The following RPH3AL variants were observed in gnomAD, a reference collection of about 807,000 sequenced individuals.
The protein encoded by RPH3AL is rab effector Noc2.
Under a neutral mutation model 43.1 loss-of-function variants are expected in RPH3AL, and 38 were observed. The ratio of observed to expected loss-of-function variants is 0.88; its 90% CI spans 0.68 to 1.15. RPH3AL has a LOEUF of 1.15. Ranked by LOEUF, RPH3AL falls within the 50% of genes most tolerant of loss-of-function variation. The pLI is 0.00. For synonymous variants in RPH3AL, 189 were observed against 176.3 expected (o/e 1.07, Z -0.57); for missense variants, 462 against 423.2 (o/e 1.09, Z -0.81).
Position 213,589 on chromosome 17 carries a change from T to G in RPH3AL, c.*263A>C. 81 of 541,306 alleles carry G rather than the reference T, an allele frequency of 1.5e-4. No individual in the cohort carries two copies. The highest frequency in any genetic ancestry group is 5.1e-4 in the Middle Eastern group (1 of 1,964). 33.5% of individuals were successfully genotyped at this position (541,306 alleles called of 1,614,324 possible). ...AAACTTAAAATCATCACCAGGTAGA[T>G]TGGGGGTGTGGGAGGGGAGGGTAAT... On this transcript the variant is annotated 3_prime_UTR_variant, in exon 10 of 10. Transcript: ENST00000331302.
At chr17:295,081 A>G (rs55751549) in intron 5 of RPH3AL, among the ~76,000 whole-genome samples, 3,494 of 22,872 alleles carry the variant, frequency 0.15, no homozygotes, top group East Asian at 0.2. Context: ...CAGTGTGGGA[A>G]GGACAGAGGA....
At chr17:321,740 G>A (rs376035404) in intron 3 of RPH3AL, 1 of 312,606 alleles carries the variant, frequency 3.2e-6, no homozygotes, top group East Asian at 5.6e-5. Context: ...GTGTGCAGGG[G>A]GCAAGGCACG....
At chr17:272,271 C>T (rs1345819394) in intron 6 of RPH3AL, among the ~76,000 whole-genome samples, 8 of 151,998 alleles carry the variant, frequency 5.3e-5, no homozygotes, top group Admixed American at 1.3e-4. Context: ...ACCCAAAGGA[C>T]TATAAATCAT....
At chr17:230,038 A>G (rs8075539) in intron 7 of RPH3AL, among the ~76,000 whole-genome samples, 59,737 of 151,920 alleles carry the variant, frequency 0.39, 11,966 homozygotes, top group East Asian at 0.53. Context: ...TGGAGAGGAC[A>G]TGGTACCTGG....
intron 1 of RPH3AL, among the ~76,000 whole-genome samples, chr17:342,618 C>A (rs2045147994): frequency 1.3e-5 from 2 of 152,182 alleles, no homozygotes; most frequent in African/African-American, 4.8e-5. Flanking sequence ...CATATATGAT[C>A]CCATTTATGT....
intron 7 of RPH3AL, among the ~76,000 whole-genome samples, chr17:230,353 G>A (rs1314191976): frequency 6.6e-6 from 1 of 152,234 alleles, no homozygotes; most frequent in Non-Finnish European, 1.5e-5. Flanking sequence ...AGAATGAAAG[G>A]TGGATGGACG....
Position 331,592 on chromosome 17 carries a change from AT to A in RPH3AL, c.-37+2166del. 3.1e-6 allele frequency: 4 copies of A among 1,284,930 alleles called. No individual in the cohort carries two copies. In the South Asian group the frequency reaches 5.0e-5, roughly 16 times the overall value. 79.6% of individuals were successfully genotyped at this position (1,284,930 alleles called of 1,614,324 possible). A position where few individuals can be genotyped will look rare whatever the true frequency, so the allele number is the denominator to read the frequency against. The stretch of plus-strand genomic sequence containing the variant: ...GAGGAAGGGCAACTCGAGGAGGCAC[AT>A]TTTAGGAAACTGCCCACGGAGCCAG... On this transcript the variant is annotated intron_variant, in intron 2 of 9. Transcript: ENST00000331302.
At chr17:253,104 G>A (rs782489080) in intron 6 of RPH3AL, among the ~76,000 whole-genome samples, 2 of 152,170 alleles carry the variant, frequency 1.3e-5, no homozygotes, top group Non-Finnish European at 2.9e-5. Context: ...ATCGGGGAAG[G>A]TTCCCAGGGA....
rs532817622 is a variant in RPH3AL at position 263,213 on chromosome 17, C to T, written c.439-15928G>A. ...AGGCGGCCTCCATATCCACAGCTCA[C>T]ACACAGGGAGTCAAGGGTACCAAAG... On this transcript the variant is annotated intron_variant, in intron 6 of 9. Transcript: ENST00000331302. Among the ~76,000 whole-genome samples the T allele has an allele frequency of 5.9e-5, 9 of 152,094 alleles. No individual in the cohort carries two copies. The South Asian group carries it at 1.2e-3, about 21-fold the overall frequency.
intron 6 of RPH3AL, among the ~76,000 whole-genome samples, chr17:250,224 G>C (rs1398739374): frequency 8.1e-6 from 1 of 123,472 alleles, no homozygotes; most frequent in Non-Finnish European, 1.7e-5. Context: ...AAGCTCTGTC[G>C]CTGCGGGACC....
chr17:290,571 C>T lies in RPH3AL; in HGVS notation c.352-8717G>A, dbSNP rs576425287. Among the ~76,000 whole-genome samples the T allele has an allele frequency of 3.3e-5, 5 of 152,264 alleles. No individual in the cohort carries two copies. In the South Asian group the frequency reaches 1.0e-3, roughly 32 times the overall value. ...GACATTTCTGCTTCCTGCGACTCCC[C>T]GTCCCACCCCTTCTCCTTCCCAGAT... is the stretch of plus-strand genomic sequence containing the variant. On this transcript the variant is annotated intron_variant, in intron 5 of 9. Coordinates refer to ENST00000331302, the MANE Select transcript of RPH3AL (RefSeq NM_006987.4). This position sits in a 1 kb window ranked among gnomAD's most constrained non-coding sequence, Gnocchi z 4.2.
At chr17:308,948 G>C (rs1294336248) in intron 5 of RPH3AL, among the ~76,000 whole-genome samples, 1 of 152,148 alleles carries the variant, frequency 6.6e-6, no homozygotes, top group Non-Finnish European at 1.5e-5. Context: ...AGCTGCTGCA[G>C]GCAGGTCACA....
At chr17:314,506 T>A (rs2043800855) in intron 5 of RPH3AL, among the ~76,000 whole-genome samples, 1 of 135,780 alleles carries the variant, frequency 7.4e-6, no homozygotes, top group Admixed American at 7.6e-5. Context: ...ATACTCCACG[T>A]CCATTGACCT....
intron 1 of RPH3AL, among the ~76,000 whole-genome samples, chr17:348,072 C>T (rs1863944416): frequency 7.2e-6 from 1 of 138,110 alleles, no homozygotes; most frequent in South Asian, 2.5e-4. Flanking sequence ...TATGGGGCAA[C>T]CCTTCTCTGC....
intron 6 of RPH3AL, among the ~76,000 whole-genome samples, chr17:259,341 C>G (rs1288593732): frequency 3.3e-5 from 5 of 152,204 alleles, no homozygotes; most frequent in African/African-American, 4.8e-5. Flanking sequence ...CAGGGGAGAG[C>G]AGATCTGTTG....
At chr17:342,256 T>C (rs752945403) in intron 1 of RPH3AL, among the ~76,000 whole-genome samples, 3 of 152,320 alleles carry the variant, frequency 2.0e-5, no homozygotes, top group East Asian at 1.9e-4. Context: ...TTGTATCTTG[T>C]TGGTGGGAAT....
rs2043023705 is a variant in RPH3AL at position 290,521 on chromosome 17, C to A, written c.352-8667G>T. Among the ~76,000 whole-genome samples the A allele has an allele frequency of 6.6e-6, 1 of 152,156 alleles. No homozygotes were observed. The highest frequency in any genetic ancestry group is 2.4e-5 in the African/African-American group (1 of 41,448). On this transcript the variant is annotated intron_variant, in intron 5 of 9. Transcript: ENST00000331302. The surrounding 1 kb of genome is among the most constrained non-coding windows in gnomAD (Gnocchi z 4.2). ...CCTGATCAGGCACCTTCCTCAATGT[C>A]CTTCTTATCCAGGGCCACTTCAGTG... is the stretch of plus-strand genomic sequence containing the variant.
chr17:227,582 C>G (rs1055952771), intron 7 of RPH3AL, among the ~76,000 whole-genome samples: 1 of 152,212 alleles, frequency 6.6e-6, no homozygotes, highest in Non-Finnish European at 1.5e-5. Flanking sequence ...ACCCAGGCAC[C>G]CACTCTGGGT....
chr17:238,125 G>A (rs779571025), intron 7 of RPH3AL, among the ~76,000 whole-genome samples: 35 of 151,470 alleles, frequency 2.3e-4, no homozygotes, highest in Non-Finnish European at 4.7e-4. Flanking sequence ...CTAGGTGACA[G>A]AGTGAAACCC....
Sources: allele counts gnomAD v4.1 joint callset (sites outside exome capture counted in the v4.1 genomes callset), GRCh38; gene constraint gnomAD v4.1.1; non-coding constraint Gnocchi (gnomAD v3.1); transcripts MANE v1.5; gene names NCBI Gene and HGNC (gene_info 2026-07-23, HGNC 2026-07-21).